Variants in PCDHGA3 observed in about 807,000 individuals in gnomAD.
The protein encoded by PCDHGA3 is protocadherin gamma-A3.
In PCDHGA3, 40 loss-of-function variants were observed where a neutral mutation model predicts 58.5. The ratio of observed to expected loss-of-function variants is 0.68; its 90% CI spans 0.53 to 0.89. The LOEUF is 0.89. Ranked by LOEUF, PCDHGA3 falls within the 40% of genes least tolerant of loss-of-function variation. The pLI, the probability that PCDHGA3 is intolerant of heterozygous loss-of-function variation, is 0.00. For missense variants in PCDHGA3, 1,223 were observed against 1,195.9 expected, an observed-to-expected ratio of 1.02 and a Z score of -0.33; for synonymous variants, 530 against 525.7, an observed-to-expected ratio of 1.01 and a Z score of -0.11.
At chr5:141,507,262 G>A (rs1294679320) in intron 3 of PCDHGA3, 6 of 151,748 alleles carry the variant, frequency 4.0e-5, no homozygotes, top group Non-Finnish European at 8.8e-5. Flanking sequence ...TAAACAGCAA[G>A]TACTATTTCA....
At chr5:141,417,882 G>A (rs1170069976) in intron 1 of PCDHGA3, 8 of 1,560,746 alleles carry the variant, frequency 5.1e-6, no homozygotes, top group African/African-American at 1.4e-5. Flanking sequence ...TGCGCGCAGA[G>A]GCGCCGGGCC....
chr5:141,479,710 T>C (rs901198074), intron 1 of PCDHGA3: 1 of 152,264 alleles, frequency 6.6e-6, no homozygotes, highest in African/African-American at 2.4e-5. Flanking sequence ...GTCCCTGTCC[T>C]TCCAGCCTTA....
At chr5:141,351,597 C>G in intron 1 of PCDHGA3, 4 of 1,614,084 alleles carry the variant, frequency 2.5e-6, no homozygotes, top group Non-Finnish European at 3.4e-6. Flanking sequence ...GACAATGCAC[C>G]TGTTTTCCAT....
intron 1 of PCDHGA3, chr5:141,372,326 C>T (rs760968250): frequency 3.3e-5 from 54 of 1,613,610 alleles, no homozygotes; most frequent in Non-Finnish European, 4.3e-5. Context: ...GCCTGCTGGT[C>T]ACTGTGCGTG....
Position 141,397,017 on chromosome 5 carries a change from G to T in PCDHGA3, c.2424+50560G>T, listed in dbSNP as rs149652099. On this transcript the variant is annotated intron_variant, in intron 1 of 3. Transcript: ENST00000253812. ...TAATCTGACAAATGGACTAAAGAAG[G>T]TTGACCAATGTCCACAAATTTATGT... Among the ~76,000 whole-genome samples, 399 of 152,296 alleles carry T rather than the reference G, an allele frequency of 2.6e-3. 1 individual carries two copies. Among genetic ancestry groups the T allele is most frequent in the Non-Finnish European group, 4.1e-3 (279 of 68,028 alleles).
chr5:141,428,354 T>G, intron 1 of PCDHGA3: 1 of 572,018 alleles, frequency 1.7e-6, no homozygotes. Context: ...GCAGTGATTT[T>G]GGCGGTCGCC....
Position 141,487,564 on chromosome 5 carries a change from G to A in PCDHGA3, c.2425-7243G>A, listed in dbSNP as rs1436847912. ...AGTCACCCAGTGCACCTATGGCAGG[G>A]GAGCCTGTTCGCCCAAGCTGCCCAC... On this transcript the variant is annotated intron_variant, in intron 1 of 3. Coordinates refer to ENST00000253812, the MANE Select transcript of PCDHGA3 (RefSeq NM_018916.4). This position sits in a 1 kb window ranked among gnomAD's most constrained non-coding sequence, Gnocchi z 5.0. 3 of 1,614,178 alleles carry A rather than the reference G, an allele frequency of 1.9e-6. No homozygotes were observed. Among genetic ancestry groups the A allele is most frequent in the Non-Finnish European group, 2.5e-6 (3 of 1,180,040 alleles).
intron 1 of PCDHGA3, chr5:141,372,625 G>T: frequency 6.2e-7 from 1 of 1,614,000 alleles, no homozygotes; most frequent in Non-Finnish European, 8.5e-7. Flanking sequence ...CCCACCTACA[G>T]CGAAAGGACT....
rs573137440 is a variant in PCDHGA3 at position 141,365,509 on chromosome 5, A to G, written c.2424+19052A>G. 14 of 1,613,912 alleles carry G rather than the reference A, an allele frequency of 8.7e-6. No individual in the cohort carries two copies. The East Asian group carries it at 2.9e-4, about 33-fold the overall frequency. On this transcript the variant is annotated intron_variant, in intron 1 of 3. Transcript: ENST00000253812. ...CTATTCCTAGGAATTTGCCTTTTAA[A>G]TTGGAGAAGTCAGTTGATAATTACT...
At chr5:141,409,545 A>G in intron 1 of PCDHGA3, 1 of 1,613,938 alleles carries the variant, frequency 6.2e-7, no homozygotes, top group African/African-American at 1.3e-5. Flanking sequence ...ATCAACGACA[A>G]CGCCCCAGTT....
At chr5:141,347,089 TCCTTCCTTCCTC>T (rs1757864201) in intron 1 of PCDHGA3, among the ~76,000 whole-genome samples, 1 of 145,754 alleles carries the variant, frequency 6.9e-6, no homozygotes, top group Admixed American at 6.7e-5. Flanking sequence ...CTTTCCTCCT[TCCTTCCTTCCTC>T]TCTCTCTTTC....
At chr5:141,500,991 C>T (rs2099804636) in intron 2 of PCDHGA3, among the ~76,000 whole-genome samples, 1 of 152,024 alleles carries the variant, frequency 6.6e-6, no homozygotes, top group South Asian at 2.1e-4. Flanking sequence ...GCCTCAGCCT[C>T]CTGAGTAGCT....
At position 141,423,386 on chromosome 5, in the gene PCDHGA3, G is replaced by C; in HGVS notation, c.2425-71421G>C. ...CTGCTGGCACTCAGGCTGTGGCGCT[G>C]GCATAAGTCACGCCTGCTGCAGGCT... On this transcript the variant is annotated intron_variant, in intron 1 of 3. Transcript: ENST00000253812. The C allele has an allele frequency of 1.9e-6, 3 of 1,614,160 alleles. No homozygotes were observed. The South Asian group carries it at 3.3e-5, about 18-fold the overall frequency.
At chr5:141,466,983 C>A (rs2099133398) in intron 1 of PCDHGA3, among the ~76,000 whole-genome samples, 1 of 151,884 alleles carries the variant, frequency 6.6e-6, no homozygotes, top group African/African-American at 2.4e-5. Context: ...TCATCATTTA[C>A]CTTTTGGCAT....
Position 141,374,101 on chromosome 5 carries a change from G to C in PCDHGA3, c.2424+27644G>C, listed in dbSNP as rs752730619. ...AGCCAGTAATGGCGCCTCCGCAGAG[G>C]CATCCGCAGCGCAGCGAGCAGGTCC... On this transcript the variant is annotated intron_variant, in intron 1 of 3. Coordinates refer to ENST00000253812, the MANE Select transcript of PCDHGA3 (RefSeq NM_018916.4). 1 of 1,565,508 alleles carries C rather than the reference G, an allele frequency of 6.4e-7. No homozygotes were observed. Among genetic ancestry groups the C allele is most frequent in the Admixed American group, 1.9e-5 (1 of 53,132 alleles).
intron 1 of PCDHGA3, chr5:141,355,705 G>A (rs752821491): frequency 1.2e-6 from 2 of 1,613,940 alleles, no homozygotes; most frequent in Non-Finnish European, 1.7e-6. Flanking sequence ...CTCCCTGCAG[G>A]GTTACCAGCT....
At chr5:141,361,859 T>C in intron 1 of PCDHGA3, 4 of 1,612,236 alleles carry the variant, frequency 2.5e-6, no homozygotes, top group Non-Finnish European at 3.4e-6. Flanking sequence ...TCCGCCCTCT[T>C]CGATATGGTG....
In PCDHGA3 at chr5:141,490,682, C is replaced by T. The variant is rs1286126848; in HGVS notation, c.2425-4125C>T. On this transcript the variant is annotated intron_variant, in intron 1 of 3. Coordinates refer to ENST00000253812, the MANE Select transcript of PCDHGA3 (RefSeq NM_018916.4). The surrounding 1 kb of genome is among the most constrained non-coding windows in gnomAD (Gnocchi z 5.4). ...CTTTGCACTGTGGCTGCCTCAGATC[C>T]AGACACTGGGGATAATGCCCGCCTC... 10 of 1,614,054 alleles carry T rather than the reference C, an allele frequency of 6.2e-6. No homozygotes were observed. The highest frequency in any genetic ancestry group is 3.3e-5 in the Admixed American group (2 of 60,008).
At chr5:141,355,460 C>A in intron 1 of PCDHGA3, 1 of 1,614,006 alleles carries the variant, frequency 6.2e-7, no homozygotes, top group Non-Finnish European at 8.5e-7. Context: ...TTGGTCACCG[C>A]GGGTAGGATA....
Sources: gnomAD v4.1 joint callset for allele counts (sites outside exome capture counted in the v4.1 genomes callset) on GRCh38, gnomAD v4.1.1 for gene constraint, Gnocchi (gnomAD v3.1) non-coding constraint, MANE v1.5 for transcripts, NCBI Gene and HGNC (gene_info 2026-07-23, HGNC 2026-07-21) for gene names.